TAF4B: variants seen among roughly 807,000 people sequenced by gnomAD.
TAF4B encodes TATA-box binding protein associated factor 4b, also known as transcription initiation factor TFIID subunit 4B.
TAF4B carries 38 observed loss-of-function variants against 86.4 expected under a neutral mutation model. The ratio of observed to expected loss-of-function variants is 0.44; its 90% CI spans 0.34 to 0.58. The LOEUF (loss-of-function observed/expected upper bound fraction) is 0.58, where lower values mean the gene tolerates loss of function less well. TAF4B is among the 20% of genes least tolerant of loss of function. The pLI, the probability that TAF4B is intolerant of heterozygous loss-of-function variation, is 0.02. For missense variants in TAF4B, 988 were observed against 1,027.6 expected, an observed-to-expected ratio of 0.96 and a Z score of 0.53; for synonymous variants, 388 against 391.2, an observed-to-expected ratio of 0.99 and a Z score of 0.10.
Position 26,321,197 on chromosome 18 carries a change from C to T in TAF4B, c.2130C>T (p.Tyr710=), listed in dbSNP as rs1469528153. The T allele has an allele frequency of 6.2e-7, 1 of 1,613,486 alleles. No homozygotes were observed. The highest frequency in any genetic ancestry group is 1.1e-5 in the South Asian group (1 of 91,056). Residue 710 remains tyrosine, a synonymous_variant, in exon 11 of 15, where the codon TAC becomes TAT. Coordinates refer to ENST00000269142, the MANE Select transcript of TAF4B (RefSeq NM_005640.3). The stretch of plus-strand genomic sequence containing the variant: ...TTGCTCAGCATCGAATGACTACTTA[C>T]AAGGTAAAGGAAATCATTAAAGAAG... The part of the protein sequence containing the change: ...TAIAQHRMTT[Y]KASENYILCS...
chr18:26,358,443 G>A (rs893978706), intron 14 of TAF4B, among the ~76,000 whole-genome samples: 1 of 152,228 alleles, frequency 6.6e-6, no homozygotes, highest in Admixed American at 6.5e-5. Flanking sequence ...GGGCGAGGTG[G>A]CTCACGCCTG....
chr18:26,281,104 C>T (rs954674151), intron 5 of TAF4B, among the ~76,000 whole-genome samples: 3 of 152,154 alleles, frequency 2.0e-5, no homozygotes, highest in South Asian at 2.1e-4. Context: ...TACACTTGGA[C>T]GTAAAGATGG....
chr18:26,265,774 G>C (rs750834209), intron 2 of TAF4B, among the ~76,000 whole-genome samples: 1 of 152,160 alleles, frequency 6.6e-6, no homozygotes, highest in Non-Finnish European at 1.5e-5. Flanking sequence ...GCTCAGGCTG[G>C]TCTTGAATTC....
intron 14 of TAF4B, among the ~76,000 whole-genome samples, chr18:26,364,664 C>T (rs1441029259): frequency 2.0e-5 from 3 of 152,030 alleles, no homozygotes; most frequent in Non-Finnish European, 4.4e-5. Context: ...AGATAAGTTA[C>T]ATTTTAACCT....
Position 26,289,233 on chromosome 18 carries a change from T to C in TAF4B, c.1590+2734T>C, listed in dbSNP as rs573906445. On this transcript the variant is annotated intron_variant, in intron 7 of 14. Coordinates refer to ENST00000269142, the MANE Select transcript of TAF4B (RefSeq NM_005640.3). ...GAATCTATTATAAACCATAGTCCAATTTAATCCTAGTTCTAAGTGAGGAGG... is the reference window on the plus strand; with the variant it reads ...GAATCTATTATAAACCATAGTCCAACTTAATCCTAGTTCTAAGTGAGGAGG... Among the ~76,000 whole-genome samples the C allele has an allele frequency of 1.1e-4, 16 of 152,336 alleles. No individual in the cohort carries two copies. In the South Asian group the frequency reaches 2.9e-3, roughly 28 times the overall value.
At chr18:26,235,551 A>G (rs1408196326) in intron 1 of TAF4B, among the ~76,000 whole-genome samples, 1 of 152,200 alleles carries the variant, frequency 6.6e-6, no homozygotes, top group Non-Finnish European at 1.5e-5. Context: ...AATCATCCAC[A>G]TACTGAAGGA....
At chr18:26,292,523 C>T (rs757045547) in intron 8 of TAF4B, 142 bp downstream of exon 8, 5 of 886,686 alleles carry the variant, frequency 5.6e-6, no homozygotes, top group East Asian at 2.7e-5. Context: ...GAAAGATAAT[C>T]GTTAGATTTC....
At chr18:26,254,507 A>G (rs965976031) in intron 1 of TAF4B, among the ~76,000 whole-genome samples, 6 of 152,208 alleles carry the variant, frequency 3.9e-5, no homozygotes, top group Non-Finnish European at 8.8e-5. Context: ...CAGATTTTCA[A>G]TGAAGTCATC....
intron 1 of TAF4B, among the ~76,000 whole-genome samples, chr18:26,241,579 A>G (rs547281050): frequency 1.6e-4 from 25 of 151,852 alleles, no homozygotes; most frequent in Admixed American, 1.4e-3. Context: ...TTGTGTCTCT[A>G]TCTCCTTCAG....
intron 2 of TAF4B, chr18:26,267,279 A>G: frequency 2.8e-6 from 1 of 351,656 alleles, no homozygotes; most frequent in Non-Finnish European, 5.1e-6. Flanking sequence ...TTGAAATTTC[A>G]GATAAATGGG....
chr18:26,373,492 ATATG>A (rs1270950616), intron 14 of TAF4B, among the ~76,000 whole-genome samples: 1 of 152,174 alleles, frequency 6.6e-6, no homozygotes, highest in African/African-American at 2.4e-5. Flanking sequence ...CAAAATCAAT[ATATG>A]TATATTGTAG....
intron 9 of TAF4B, among the ~76,000 whole-genome samples, chr18:26,310,466 A>G (rs1193696341): frequency 6.6e-6 from 1 of 152,194 alleles, no homozygotes; most frequent in African/African-American, 2.4e-5. Context: ...GAGAAAAACA[A>G]CTTTAAAGCA....
At chr18:26,340,793 C>G (rs770199968) in intron 13 of TAF4B, among the ~76,000 whole-genome samples, 40 of 152,154 alleles carry the variant, frequency 2.6e-4, no homozygotes, top group East Asian at 2.1e-3. Context: ...TATTTTCCCA[C>G]TAACTAAATG....
chr18:26,231,849 G>A (rs574605063), intron 1 of TAF4B, among the ~76,000 whole-genome samples: 41 of 152,244 alleles, frequency 2.7e-4, no homozygotes, highest in African/African-American at 9.4e-4. Flanking sequence ...GTGTGGAAGG[G>A]GACCTGAGCG....
chr18:26,315,190 C>CACACACAA, intron 9 of TAF4B, 39 bp from the exon 10 acceptor site: 2 of 1,395,220 alleles, frequency 1.4e-6, no homozygotes, highest in Non-Finnish European at 9.6e-7. Flanking sequence ...CACACACACA[C>CACACACAA]ACAACCTAAA....
intron 14 of TAF4B, among the ~76,000 whole-genome samples, chr18:26,378,468 A>C (rs892404558): frequency 1.3e-5 from 2 of 152,202 alleles, no homozygotes; most frequent in Non-Finnish European, 2.9e-5. Flanking sequence ...TCATACTTCT[A>C]TACCAAAGTA....
At chr18:26,275,592 A>G (rs2056374489) in intron 5 of TAF4B, among the ~76,000 whole-genome samples, 1 of 152,240 alleles carries the variant, frequency 6.6e-6, no homozygotes, top group African/African-American at 2.4e-5. Context: ...AAAATTGTAT[A>G]TGTTTAAGGT....
intron 7 of TAF4B, among the ~76,000 whole-genome samples, chr18:26,288,863 A>G (rs1295060679): frequency 6.6e-6 from 1 of 152,206 alleles, no homozygotes; most frequent in Non-Finnish European, 1.5e-5. Flanking sequence ...TAATGCAACA[A>G]AATTTGATGG....
intron 14 of TAF4B, among the ~76,000 whole-genome samples, chr18:26,374,202 G>A (rs2057426943): frequency 6.6e-6 from 1 of 152,086 alleles, no homozygotes. Flanking sequence ...GCTTTACATG[G>A]TATTTTTTTC....
Sources: allele counts gnomAD v4.1 joint callset (sites outside exome capture counted in the v4.1 genomes callset), GRCh38; gene constraint gnomAD v4.1.1; transcripts MANE v1.5; gene names NCBI Gene and HGNC (gene_info 2026-07-23, HGNC 2026-07-21).